The following COL4A1 variants were observed in gnomAD, a reference collection of about 807,000 sequenced individuals.
COL4A1 encodes the protein collagen alpha-1(IV) chain.
A neutral mutation model predicts 216.6 loss-of-function variants in COL4A1; 40 were observed. The ratio of observed to expected loss-of-function variants is 0.18; its 90% CI spans 0.14 to 0.24. The LOEUF (loss-of-function observed/expected upper bound fraction) is 0.24, where lower values mean the gene tolerates loss of function less well. Among genes scored for constraint, COL4A1 ranks in the 10% least tolerant of loss-of-function variants. The pLI is 1.00. For missense variants in COL4A1, 1,628 were observed against 2,196.8 expected, an observed-to-expected ratio of 0.74 and a Z score of 5.18; for synonymous variants, 839 against 810.7, an observed-to-expected ratio of 1.03 and a Z score of -0.59.
rs1433373645 is a variant in COL4A1 at position 110,177,873 on chromosome 13, T to C, written c.2685A>G (p.Pro895=). 1.2e-6 allele frequency: 2 copies of C among 1,614,046 alleles called. No homozygotes were observed. The highest frequency in any genetic ancestry group is 1.3e-5 in the African/African-American group (1 of 74,932). The part of the protein sequence containing the change: ...GTPGQPGSPG[P]VGAPGLPGEK... ...CACCCGGTAATCCAGGAGCACCCACTGGTCCTGGTGAGCCCGGCTGCCCGG... is the reference window on the plus strand; with the variant it reads ...CACCCGGTAATCCAGGAGCACCCACCGGTCCTGGTGAGCCCGGCTGCCCGG... The change falls in exon 33 of 52, where the codon CCA becomes CCG. Residue 895 remains proline, a synonymous_variant. Coordinates refer to ENST00000375820, the MANE Select transcript of COL4A1 (RefSeq NM_001845.6).
At chr13:110,242,595 T>G in intron 2 of COL4A1, 80 bp downstream of exon 2, 1 of 1,475,626 alleles carries the variant, frequency 6.8e-7, no homozygotes, top group Non-Finnish European at 9.5e-7. Context: ...CCTGAATTGC[T>G]GATTATTCGG....
In COL4A1 at chr13:110,161,373, G is replaced by T. The variant is rs933695524; in HGVS notation, c.4463-4C>A. 5 of 1,606,894 alleles carry T rather than the reference G, an allele frequency of 3.1e-6. No homozygotes were observed. The highest frequency in any genetic ancestry group is 4.3e-6 in the Non-Finnish European group (5 of 1,176,136). The stretch of plus-strand genomic sequence containing the variant: ...CGCAGGCAGCTGCCGGCCGTGCCTA[G>T]ACAAGGAAGAAGACAATGTGAGATG... On this transcript the variant is annotated splice_region_variant and splice_polypyrimidine_tract_variant and intron_variant, in intron 48 of 51. Coordinates refer to ENST00000375820, the MANE Select transcript of COL4A1 (RefSeq NM_001845.6).
chr13:110,305,422 G>A (rs1430134903), intron 1 of COL4A1, among the ~76,000 whole-genome samples: 1 of 152,226 alleles, frequency 6.6e-6, no homozygotes, highest in East Asian at 1.9e-4. Flanking sequence ...CTTACAGTTA[G>A]CTTTCTTTGC....
At chr13:110,194,213 T>C (rs994667985) in intron 22 of COL4A1, among the ~76,000 whole-genome samples, 2 of 152,224 alleles carry the variant, frequency 1.3e-5, no homozygotes, top group Non-Finnish European at 2.9e-5. Context: ...GCAGTGTATG[T>C]GGCTGTCAGA....
At chr13:110,243,487 T>G (rs907066561) in intron 1 of COL4A1, among the ~76,000 whole-genome samples, 3 of 152,116 alleles carry the variant, frequency 2.0e-5, no homozygotes, top group African/African-American at 7.2e-5. Flanking sequence ...CCAGCTAATT[T>G]TTTGTGTTTT....
At chr13:110,208,763 G>A in intron 12 of COL4A1, 86 bp downstream of exon 12, 2 of 1,242,706 alleles carry the variant, frequency 1.6e-6, no homozygotes, top group Non-Finnish European at 1.2e-6. Context: ...ACTTGTAAGA[G>A]TCCAGACATT....
At chr13:110,242,173 T>C (rs1881597978) in intron 2 of COL4A1, among the ~76,000 whole-genome samples, 1 of 152,216 alleles carries the variant, frequency 6.6e-6, no homozygotes, top group Non-Finnish European at 1.5e-5. Context: ...AACAGTTTGC[T>C]TGCAAAGAAA....
intron 19 of COL4A1, 56 bp from the exon 20 acceptor site, chr13:110,200,945 A>C: frequency 6.4e-7 from 1 of 1,570,882 alleles, no homozygotes; most frequent in Non-Finnish European, 8.8e-7. Flanking sequence ...GTTTGTATAC[A>C]CTTCTTATTT....
chr13:110,231,670 G>A (rs1028574948), intron 2 of COL4A1, among the ~76,000 whole-genome samples: 1 of 152,188 alleles, frequency 6.6e-6, no homozygotes, highest in African/African-American at 2.4e-5. Flanking sequence ...CACGGGTACA[G>A]CAGGAGCCCA....
chr13:110,227,395 C>CAA (rs1248747340), intron 2 of COL4A1, among the ~76,000 whole-genome samples: 3 of 137,852 alleles, frequency 2.2e-5, no homozygotes, highest in African/African-American at 8.5e-5. Context: ...TAGACACACA[C>CAA]ACACACACAC....
intron 1 of COL4A1, among the ~76,000 whole-genome samples, chr13:110,276,032 C>T (rs1012539048): frequency 7.4e-6 from 1 of 135,634 alleles, no homozygotes; most frequent in Non-Finnish European, 1.6e-5. Context: ...AGTACAGCAC[C>T]GAGAGTGAAC....
chr13:110,205,155 A>G lies in COL4A1; in HGVS notation c.957+198T>C, dbSNP rs665713. Among the ~76,000 whole-genome samples the G allele has an allele frequency of 0.67, 101,354 of 152,166 alleles. 34,565 individuals are homozygous for G. The highest frequency in any genetic ancestry group is 0.89 in the East Asian group (4,627 of 5,192). ...AAAAAAGATATAAAAATTTGAATGA[A>G]TGGCACATTTCATATATTTTTATTT... On this transcript the variant is annotated intron_variant, in intron 17 of 51. Coordinates refer to ENST00000375820, the MANE Select transcript of COL4A1 (RefSeq NM_001845.6).
At chr13:110,157,262 CA>C (rs779598369) in intron 49 of COL4A1, among the ~76,000 whole-genome samples, 2 of 152,220 alleles carry the variant, frequency 1.3e-5, no homozygotes, top group Non-Finnish European at 2.9e-5. Context: ...AATTAGCAAT[CA>C]GTATTTATTT....
intron 42 of COL4A1, among the ~76,000 whole-genome samples, 178 bp from the exon 43 acceptor site, chr13:110,169,940 G>GAAGGGAGGAAGGGAGGGAGT (rs1450492741): frequency 6.6e-6 from 1 of 150,606 alleles, no homozygotes; most frequent in African/African-American, 2.4e-5. Context: ...AGGGAGGGAG[G>GAAGGGAGGAAGGGAGGGAGT]GAGGGAATAG....
chr13:110,179,123 C>T, intron 30 of COL4A1, 87 bp from the exon 31 acceptor site: 3 of 1,528,584 alleles, frequency 2.0e-6, no homozygotes, highest in Admixed American at 1.7e-5. Context: ...ATGGCCCCAG[C>T]AACGGAAAGC....
rs745457435 is a variant in COL4A1 at position 110,179,327 on chromosome 13, G to A, written c.2288C>T (p.Pro763Leu). 1 of 1,614,110 alleles carries A rather than the reference G, an allele frequency of 6.2e-7. No individual in the cohort carries two copies. Among genetic ancestry groups the A allele is most frequent in the Non-Finnish European group, 8.5e-7 (1 of 1,180,030 alleles). The stretch of plus-strand genomic sequence containing the variant: ...CGCTCCATGTTCTCCAGGAACGCCT[G>A]GTACCCCAATGCTCCCCTTCTCCCC... Reference protein sequence around the residue: ...TPGEKGSIGVPGVPGEHGAIG... With the variant: ...TPGEKGSIGVLGVPGEHGAIG... The change falls in exon 30 of 52, where the codon CCA (proline) becomes CTA (leucine). Residue 763 changes from proline (P) to leucine (L), a missense_variant. By Grantham distance (98) the Pro-to-Leu change is moderately conservative (BLOSUM62 -3). Transcript: ENST00000375820.
chr13:110,150,371 T>C lies in COL4A1; in HGVS notation c.5002A>G (p.Arg1668Gly). 1.2e-6 allele frequency: 2 copies of C among 1,613,976 alleles called. No homozygotes were observed. Among genetic ancestry groups the C allele is most frequent in the Non-Finnish European group, 1.7e-6 (2 of 1,179,946 alleles). ...HVSRCQVCMR[R>G]T ...AGCTGAGTCAGGCTTCATTATGTTC[T>C]TCTCATACAGACTTGGCAGCGGCTG... The change falls in exon 52 of 52, where the codon AGA (arginine) becomes GGA (glycine). Residue 1668 changes from arginine (R) to glycine (G), a missense_variant. Arg to Gly is a moderately radical substitution (Grantham distance 125). This residue lies in a region of COL4A1 where 254 missense variants were observed against 300.1 expected (regional missense o/e 0.85). Transcript: ENST00000375820.
At position 110,241,829 on chromosome 13, in the gene COL4A1, G is replaced by A. The variant is rs115522005; in HGVS notation, c.144+846C>T. Among the ~76,000 whole-genome samples, 851 of 152,310 alleles carry A rather than the reference G, an allele frequency of 5.6e-3. 6 individuals carry two copies. The highest frequency in any genetic ancestry group is 0.019 in the African/African-American group (800 of 41,564). On this transcript the variant is annotated intron_variant, in intron 2 of 51. Coordinates refer to ENST00000375820, the MANE Select transcript of COL4A1 (RefSeq NM_001845.6). ...GGCCCCATAAAACCTCTGGCATGCC[G>A]GGGAGGGAAGTAAGAATTCACACGC...
intron 1 of COL4A1, among the ~76,000 whole-genome samples, chr13:110,275,539 G>A (rs536692653): frequency 3.3e-5 from 5 of 152,146 alleles, no homozygotes; most frequent in Non-Finnish European, 7.3e-5. Context: ...CAGCAATCAT[G>A]CTCCTTGCTA....
Sources: gnomAD v4.1 joint callset for allele counts (sites outside exome capture counted in the v4.1 genomes callset) on GRCh38, gnomAD v4.1.1 for gene constraint, gnomAD v4.1.1 regional missense constraint, MANE v1.5 for transcripts, NCBI Gene and HGNC (gene_info 2026-07-23, HGNC 2026-07-21) for gene names.